The following PRKN variants were observed in gnomAD, a reference collection of about 807,000 sequenced individuals.
The protein encoded by PRKN is E3 ubiquitin-protein ligase parkin.
Under a neutral mutation model 59.5 loss-of-function variants are expected in PRKN, and 56 were observed. The ratio of observed to expected loss-of-function variants is 0.94; its 90% CI spans 0.76 to 1.18. PRKN has a LOEUF of 1.18. Ranked by LOEUF, PRKN falls within the 50% of genes most tolerant of loss-of-function variation. The pLI, the probability that PRKN is intolerant of heterozygous loss-of-function variation, is 0.00. For missense variants in PRKN, 657 were observed against 596.4 expected (o/e 1.10, Z -1.06); for synonymous variants, 250 against 222.1 (o/e 1.13, Z -1.12).
intron 5 of PRKN, among the ~76,000 whole-genome samples, chr6:162,022,996 C>T (rs527995326): frequency 6.6e-6 from 1 of 152,222 alleles, no homozygotes; most frequent in East Asian, 1.9e-4. Flanking sequence ...GGGTTCTCTA[C>T]TCTGCTCCAT....
At chr6:161,746,809 T>C (rs12206451) in intron 7 of PRKN, among the ~76,000 whole-genome samples, 5,154 of 148,782 alleles carry the variant, frequency 0.035, 96 homozygotes, top group African/African-American at 0.051. Flanking sequence ...CACAGACATA[T>C]ATATCTATGT....
chr6:162,380,429 GTGTGTA>G (rs1786378327), intron 2 of PRKN, among the ~76,000 whole-genome samples: 1 of 119,486 alleles, frequency 8.4e-6, no homozygotes, highest in South Asian at 2.7e-4. Flanking sequence ...ATATATATAT[GTGTGTA>G]TATATATATA....
chr6:161,777,476 CA>C (rs1254447564), intron 7 of PRKN, among the ~76,000 whole-genome samples: 2 of 151,456 alleles, frequency 1.3e-5, no homozygotes. Context: ...TTGAAAGAGA[CA>C]CAAAAAACTA....
intron 1 of PRKN, among the ~76,000 whole-genome samples, chr6:162,498,797 T>C (rs1562333195): frequency 4.0e-5 from 6 of 151,884 alleles, no homozygotes. Context: ...GAAATTGTAT[T>C]ATTCTGTAAG....
In PRKN at chr6:161,680,781, T is replaced by TTTTG. The variant is rs1554292304; in HGVS notation, c.871+104990_871+104991insCAAA. Among the ~76,000 whole-genome samples the TTTTG allele has an allele frequency of 3.8e-3, 353 of 93,702 alleles. 13 individuals carry two copies. Among genetic ancestry groups the TTTTG allele is most frequent in the Non-Finnish European group, 5.4e-3 (258 of 47,730 alleles). 61.5% of individuals were successfully genotyped at this position (93,702 alleles called of 152,430 possible). On this transcript the variant is annotated intron_variant, in intron 7 of 11. Coordinates refer to ENST00000366898, the MANE Select transcript of PRKN (RefSeq NM_004562.3). ...TATATATATATATATATATATTTTT[T>TTTTG]TTTTTTTTTCTTTTCCTAAAACAAC... is the stretch of plus-strand genomic sequence containing the variant.
Position 161,387,161 on chromosome 6 carries a change from G to GGCTGT in PRKN, c.1084-289_1084-285dup, listed in dbSNP as rs147782536. Among the ~76,000 whole-genome samples, 291 of 152,188 alleles carry GGCTGT rather than the reference G, an allele frequency of 1.9e-3. 1 individual carries two copies. The highest frequency in any genetic ancestry group is 6.7e-3 in the African/African-American group (277 of 41,522). ...AGTGGAAGACACAGTGATATGGTTT[G>GGCTGT]GCTGTGTCCCCACCCAAATCTCATC... On this transcript the variant is annotated intron_variant, in intron 9 of 11. Coordinates refer to ENST00000366898, the MANE Select transcript of PRKN (RefSeq NM_004562.3).
rs1778920310 is a variant in PRKN, at chr6:162,662,360, ATTC to A, written c.7+65299_7+65301del. Among the ~76,000 whole-genome samples the A allele has an allele frequency of 2.7e-5, 4 of 148,960 alleles. No homozygotes were observed. The South Asian group carries it at 8.4e-4, about 31-fold the overall frequency. On this transcript the variant is annotated intron_variant, in intron 1 of 11. Transcript: ENST00000366898. The stretch of plus-strand genomic sequence containing the variant: ...TGCATAGCTTGCAAATTTTTTTTCC[ATTC>A]TGTAAGTTGTCTGTTTACACTGTTG...
At chr6:161,979,865 C>T (rs1250677035) in intron 5 of PRKN, among the ~76,000 whole-genome samples, 1 of 152,152 alleles carries the variant, frequency 6.6e-6, no homozygotes, top group Non-Finnish European at 1.5e-5. Flanking sequence ...TATGTCCCTT[C>T]ACCCATGACT....
chr6:161,632,203 A>G (rs9456692), intron 7 of PRKN, among the ~76,000 whole-genome samples: 9,275 of 152,180 alleles, frequency 0.061, 972 homozygotes, highest in African/African-American at 0.21. Flanking sequence ...AGTTTTAATG[A>G]TAGTCACAGC....
At chr6:162,587,997 C>A (rs1361809144) in intron 1 of PRKN, among the ~76,000 whole-genome samples, 1 of 144,982 alleles carries the variant, frequency 6.9e-6, no homozygotes, top group Non-Finnish European at 1.5e-5. Context: ...CATACTTGAA[C>A]TAAGTGAGTT....
chr6:162,410,163 G>C (rs1231791716), intron 2 of PRKN, among the ~76,000 whole-genome samples: 1 of 151,716 alleles, frequency 6.6e-6, no homozygotes, highest in Non-Finnish European at 1.5e-5. Context: ...CCACCCTGCT[G>C]TTTTTTCTGC....
rs1777874460 is a variant in PRKN, at chr6:161,499,402, T to C, written c.1083+49452A>G. Among the ~76,000 whole-genome samples, 1 of 152,164 alleles carries C rather than the reference T, an allele frequency of 6.6e-6. No homozygotes were observed. The highest frequency in any genetic ancestry group is 2.1e-4 in the South Asian group (1 of 4,834). On this transcript the variant is annotated intron_variant, in intron 9 of 11. Coordinates refer to ENST00000366898, the MANE Select transcript of PRKN (RefSeq NM_004562.3). This position sits in a 1 kb window ranked among gnomAD's most constrained non-coding sequence, Gnocchi z 4.2. ...AAAAGTAAGAGAAAGAGTGTATTTC[T>C]TTGTGGAGTGCATAATTCTCCTAAG...
intron 7 of PRKN, among the ~76,000 whole-genome samples, chr6:161,658,045 GAA>G (rs1374010333): frequency 5.3e-4 from 61 of 116,004 alleles, no homozygotes; most frequent in African/African-American, 1.7e-3. Context: ...GAAAAGAAAA[GAA>G]AAAAACGGTG....
intron 1 of PRKN, among the ~76,000 whole-genome samples, chr6:162,575,738 A>C (rs1351429156): frequency 1.3e-5 from 2 of 152,166 alleles, no homozygotes; most frequent in African/African-American, 4.8e-5. Flanking sequence ...CCAGTCACAC[A>C]GGCTATAGGT....
chr6:161,533,337 A>C lies in PRKN; in HGVS notation c.1083+15517T>G, dbSNP rs1370209888. ...TCTTCTTAATGAAAAGCAGCCCCCA[A>C]ATCATTTTCTTTTCCAACAAAGAGC... On this transcript the variant is annotated intron_variant, in intron 9 of 11. Coordinates refer to ENST00000366898, the MANE Select transcript of PRKN (RefSeq NM_004562.3). The surrounding 1 kb of genome is among the most constrained non-coding windows in gnomAD (Gnocchi z 4.1). Among the ~76,000 whole-genome samples, 1 of 152,152 alleles carries C rather than the reference A, an allele frequency of 6.6e-6. No homozygotes were observed. Among genetic ancestry groups the C allele is most frequent in the Non-Finnish European group, 1.5e-5 (1 of 68,020 alleles).
rs1789591671 is a variant in PRKN at position 161,769,872 on chromosome 6, TTGTG to T, written c.871+15896_871+15899del. On this transcript the variant is annotated intron_variant, in intron 7 of 11. Transcript: ENST00000366898. ...ACCCCAGGCAAGAATTATGCTGCGG[TTGTG>T]TGTGAGCCACTGATTACATTGTTGG... is the stretch of plus-strand genomic sequence containing the variant. Among the ~76,000 whole-genome samples the T allele has an allele frequency of 2.6e-5, 4 of 152,016 alleles. No homozygotes were observed. The South Asian group carries it at 8.3e-4, about 32-fold the overall frequency.
chr6:162,104,037 G>A (rs915519202), intron 4 of PRKN, among the ~76,000 whole-genome samples: 1 of 152,200 alleles, frequency 6.6e-6, no homozygotes, highest in Non-Finnish European at 1.5e-5. Context: ...CAAAGCAAAG[G>A]AGAGGCCTTC....
At chr6:162,188,704 A>C (rs112309952) in intron 4 of PRKN, among the ~76,000 whole-genome samples, 9,276 of 151,984 alleles carry the variant, frequency 0.061, 892 homozygotes, top group African/African-American at 0.2. Flanking sequence ...ACAGAAGGAA[A>C]GCCCTAGGAA....
At chr6:161,747,116 G>A (rs1277244975) in intron 7 of PRKN, among the ~76,000 whole-genome samples, 2 of 152,044 alleles carry the variant, frequency 1.3e-5, no homozygotes, top group African/African-American at 2.4e-5. Flanking sequence ...TTGAGTCAAC[G>A]GGCATTTATT....
Sources: allele counts gnomAD v4.1 joint callset (sites outside exome capture counted in the v4.1 genomes callset), GRCh38; gene constraint gnomAD v4.1.1; non-coding constraint Gnocchi (gnomAD v3.1); transcripts MANE v1.5; gene names NCBI Gene and HGNC (gene_info 2026-07-23, HGNC 2026-07-21).